ABCC2: variants seen among roughly 807,000 people sequenced by gnomAD.
ABCC2 encodes ATP-binding cassette sub-family C member 2.
ABCC2 carries 157 observed loss-of-function variants against 173.4 expected under a neutral mutation model. That is an observed-to-expected ratio of 0.91 (90% CI 0.80 to 1.03). ABCC2 has a LOEUF of 1.03. Ranked by LOEUF, ABCC2 falls within the 50% of genes least tolerant of loss-of-function variation. The pLI, the probability that ABCC2 is intolerant of heterozygous loss-of-function variation, is 0.00. For synonymous variants in ABCC2, 657 were observed against 693.5 expected (o/e 0.95, Z 0.83); for missense variants, 1,822 against 1,852.3 (o/e 0.98, Z 0.30).
At chr10:99,842,533 A>T (rs915728180) in intron 26 of ABCC2, among the ~76,000 whole-genome samples, 1 of 152,202 alleles carries the variant, frequency 6.6e-6, no homozygotes, top group African/African-American at 2.4e-5. Context: ...TGATAAAACT[A>T]TAGAATGTGT....
chr10:99,830,319 G>C lies in ABCC2; in HGVS notation c.2633G>C (p.Ser878Thr), dbSNP rs1467019111. Residue 878 changes from serine to threonine, a missense_variant, in exon 20 of 32, where the codon AGT (serine) becomes ACT (threonine). By Grantham distance (58) the Ser-to-Thr change is moderately conservative (BLOSUM62 1). Coordinates refer to ENST00000647814, the MANE Select transcript of ABCC2 (RefSeq NM_000392.5). The stretch of plus-strand genomic sequence containing the variant: ...TGTGTCTCCCTAGTCCATGATGGCA[G>C]TGAAGAAGAAGACGATGACTATGGG... ...PEEEATVHDGSEEEDDDYGLI... is the reference protein window; with the variant it reads ...PEEEATVHDGTEEEDDDYGLI... The C allele has an allele frequency of 6.2e-7, 1 of 1,614,168 alleles. No individual in the cohort carries two copies. Among genetic ancestry groups the C allele is most frequent in the Admixed American group, 1.7e-5 (1 of 60,026 alleles).
intron 2 of ABCC2, 107 bp from the exon 3 acceptor site, chr10:99,792,127 C>A: frequency 7.3e-7 from 1 of 1,374,732 alleles, no homozygotes; most frequent in Non-Finnish European, 1.0e-6. Flanking sequence ...ATTGTGTTAT[C>A]TGAATCACTG....
At position 99,801,835 on chromosome 10, in the gene ABCC2, G is replaced by A. The variant is rs1259042456; in HGVS notation, c.1209+1272G>A. On this transcript the variant is annotated intron_variant, in intron 9 of 31. Coordinates refer to ENST00000647814, the MANE Select transcript of ABCC2 (RefSeq NM_000392.5). ...TGCTTTCCTCTCTAGAAACACCACT[G>A]TGTCTTTGTCTTCCCTGAGTAGATG... Among the ~76,000 whole-genome samples, 4 of 152,128 alleles carry A rather than the reference G, an allele frequency of 2.6e-5. No individual in the cohort carries two copies. In the East Asian group the frequency reaches 7.7e-4, roughly 29 times the overall value.
intron 3 of ABCC2, 110 bp downstream of exon 3, chr10:99,792,469 GC>G: frequency 6.5e-7 from 1 of 1,531,334 alleles, no homozygotes; most frequent in Non-Finnish European, 8.9e-7. Flanking sequence ...TGTCTTTTTC[GC>G]GGGATCCATA....
chr10:99,841,453 G>T (rs954717790), intron 25 of ABCC2, among the ~76,000 whole-genome samples: 1 of 152,158 alleles, frequency 6.6e-6, no homozygotes, highest in East Asian at 1.9e-4. Context: ...TACTTGGGAG[G>T]TTGAGGTAGG....
Position 99,832,005 on chromosome 10 carries a change from G to C in ABCC2, c.3132G>C (p.Trp1044Cys). Residue 1044 changes from tryptophan (W) to cysteine (C), a missense_variant, in exon 23 of 32, where the codon TGG becomes TGC. Transcript: ENST00000647814. Reference sequence around the variant, plus strand: ...TATTTGTGTTCATAGCACATTTCTGGAGTGCCTTTGGTTTCGTCCATGCAT... The same window carrying C: ...TATTTGTGTTCATAGCACATTTCTGCAGTGCCTTTGGTTTCGTCCATGCAT... ...QGIFVFIAHF[W>C]SAFGFVHASN... The C allele has an allele frequency of 6.2e-7, 1 of 1,614,200 alleles. No homozygotes were observed. Among genetic ancestry groups the C allele is most frequent in the African/African-American group, 1.3e-5 (1 of 75,052 alleles).
chr10:99,833,666 G>A (rs1297140404), intron 23 of ABCC2, among the ~76,000 whole-genome samples: 3 of 152,190 alleles, frequency 2.0e-5, no homozygotes, highest in Non-Finnish European at 4.4e-5. Flanking sequence ...TTTGGGAAAG[G>A]TAGGTTAGAC....
chr10:99,819,973 T>A (rs1590172546), intron 19 of ABCC2, among the ~76,000 whole-genome samples: 2 of 152,174 alleles, frequency 1.3e-5, no homozygotes, highest in African/African-American at 4.8e-5. Flanking sequence ...GGAGTTCAGG[T>A]CGAGAAAGCC....
intron 10 of ABCC2, among the ~76,000 whole-genome samples, 161 bp from the exon 11 acceptor site, chr10:99,805,221 G>A (rs1400105323): frequency 1.3e-5 from 2 of 152,122 alleles, no homozygotes; most frequent in East Asian, 3.9e-4. Context: ...GAGCAGAGTG[G>A]GCAAAGAGGA....
chr10:99,815,277 G>T (rs186152292), intron 16 of ABCC2, among the ~76,000 whole-genome samples: 2 of 152,072 alleles, frequency 1.3e-5, no homozygotes, highest in Non-Finnish European at 1.5e-5. Context: ...ACATGATCTC[G>T]TTCCTTTTTA....
chr10:99,811,706 G>T (rs1279805289), intron 15 of ABCC2, 104 bp downstream of exon 15: 42 of 1,316,014 alleles, frequency 3.2e-5, no homozygotes, highest in Non-Finnish European at 4.6e-5. Context: ...TGAGCTATGT[G>T]CATGTCTTCG....
intron 10 of ABCC2, among the ~76,000 whole-genome samples, chr10:99,804,899 G>A (rs2038074205): frequency 6.6e-6 from 1 of 152,174 alleles, no homozygotes; most frequent in South Asian, 2.1e-4. Context: ...ATTCTACCTG[G>A]TAGGGTGGTG....
intron 19 of ABCC2, among the ~76,000 whole-genome samples, chr10:99,820,638 T>G (rs369633482): frequency 2.3e-4 from 35 of 152,058 alleles, no homozygotes; most frequent in African/African-American, 8.5e-4. Flanking sequence ...AGTCTGTAGC[T>G]TTGGAAGGAG....
intron 6 of ABCC2, among the ~76,000 whole-genome samples, chr10:99,795,240 C>A (rs563619893): frequency 1.3e-5 from 2 of 152,050 alleles, no homozygotes; most frequent in South Asian, 4.2e-4. Context: ...CTAAAGAAAA[C>A]CAAATATATT....
chr10:99,828,572 T>C (rs866958029), intron 19 of ABCC2, among the ~76,000 whole-genome samples: 7 of 152,224 alleles, frequency 4.6e-5, no homozygotes, highest in African/African-American at 1.7e-4. Flanking sequence ...TTGTTGTTGC[T>C]GTTTGTTGTG....
intron 24 of ABCC2, among the ~76,000 whole-genome samples, chr10:99,834,870 C>T (rs1327474720): frequency 2.0e-5 from 3 of 152,212 alleles, no homozygotes. Flanking sequence ...CCATAAGAAC[C>T]CCCATGACGA....
Position 99,814,292 on chromosome 10 carries a change from C to T in ABCC2, c.2094+1148C>T, listed in dbSNP as rs1422823824. Among the ~76,000 whole-genome samples the T allele has an allele frequency of 3.2e-4, 22 of 69,186 alleles. 4 individuals are homozygous for T. The highest frequency in any genetic ancestry group is 9.9e-4 in the African/African-American group (14 of 14,096). The allele number at this position is 69,186 out of a possible 152,430, so 45.4% of individuals were successfully genotyped here. On this transcript the variant is annotated intron_variant, in intron 16 of 31. Coordinates refer to ENST00000647814, the MANE Select transcript of ABCC2 (RefSeq NM_000392.5). ...GTATACACACGTATGTATACACACA[C>T]GTATGTATACACACATGTATATACA...
At chr10:99,819,894 C>A (rs945935286) in intron 19 of ABCC2, among the ~76,000 whole-genome samples, 2 of 152,198 alleles carry the variant, frequency 1.3e-5, no homozygotes, top group Admixed American at 1.3e-4. Flanking sequence ...TGTGACCCTT[C>A]CCAAGGACCT....
At chr10:99,833,446 G>A (rs974050060) in intron 23 of ABCC2, among the ~76,000 whole-genome samples, 27 of 152,170 alleles carry the variant, frequency 1.8e-4, no homozygotes, top group African/African-American at 2.9e-4. Context: ...AGTATGTTTC[G>A]TTGGGGAGGT....
Sources: allele counts gnomAD v4.1 joint callset (sites outside exome capture counted in the v4.1 genomes callset), GRCh38; gene constraint gnomAD v4.1.1; transcripts MANE v1.5; gene names NCBI Gene and HGNC (gene_info 2026-07-23, HGNC 2026-07-21).